The following PPP6R3 variants were observed in gnomAD, a reference collection of about 807,000 sequenced individuals.
The protein encoded by PPP6R3 is serine/threonine-protein phosphatase 6 regulatory subunit 3.
PPP6R3 carries 38 observed loss-of-function variants against 110.7 expected under a neutral mutation model. That is an observed-to-expected ratio of 0.34 (90% CI 0.26 to 0.45). The LOEUF (loss-of-function observed/expected upper bound fraction) is 0.45, where lower values mean the gene tolerates loss of function less well. PPP6R3 is among the 20% of genes least tolerant of loss of function. The pLI, the probability that PPP6R3 is intolerant of heterozygous loss-of-function variation, is 1.00. For missense variants in PPP6R3, 870 were observed against 1,062.4 expected, an observed-to-expected ratio of 0.82 and a Z score of 2.52; for synonymous variants, 369 against 373.5, an observed-to-expected ratio of 0.99 and a Z score of 0.14.
At chr11:68,527,897 G>A (rs890704173) in intron 2 of PPP6R3, among the ~76,000 whole-genome samples, 4 of 152,168 alleles carry the variant, frequency 2.6e-5, no homozygotes, top group Admixed American at 6.5e-5. Context: ...TCAGGGAGGC[G>A]TCGCCTGGCC....
At chr11:68,489,589 C>G (rs2098970999) in intron 1 of PPP6R3, among the ~76,000 whole-genome samples, 1 of 127,082 alleles carries the variant, frequency 7.9e-6, no homozygotes, top group South Asian at 2.3e-4. Context: ...TTTTAATGAA[C>G]AAATTGAAGG....
intron 1 of PPP6R3, among the ~76,000 whole-genome samples, chr11:68,493,825 A>G (rs7120635): frequency 0.32 from 48,202 of 151,258 alleles, 8,745 homozygotes; most frequent in African/African-American, 0.49. Flanking sequence ...GTACCCGGCC[A>G]GGCACTGTGG....
At position 68,567,178 on chromosome 11, in the gene PPP6R3, C is replaced by G. The variant is rs1382160429; in HGVS notation, c.1128+12C>G. The G allele has an allele frequency of 1.3e-6, 2 of 1,530,046 alleles. No homozygotes were observed. Among genetic ancestry groups the G allele is most frequent in the Admixed American group, 4.2e-5 (2 of 47,840 alleles). 94.8% of individuals were successfully genotyped at this position (1,530,046 alleles called of 1,614,324 possible). On this transcript the variant is annotated intron_variant, in intron 10 of 23. Coordinates refer to ENST00000393800, the MANE Select transcript of PPP6R3 (RefSeq NM_001164161.2). ...TTGGAGTCATATTGGTGAGATTTTC[C>G]CTGCTCACAGACATTTTAATTTGCC... is the stretch of plus-strand genomic sequence containing the variant.
chr11:68,590,912 G>A (rs1359322825), intron 17 of PPP6R3, among the ~76,000 whole-genome samples, 198 bp downstream of exon 17: 7 of 152,150 alleles, frequency 4.6e-5, no homozygotes, highest in Non-Finnish European at 1.0e-4. Context: ...TTATGACTTG[G>A]TGGAGCTAAT....
At chr11:68,497,395 C>G (rs958102086) in intron 1 of PPP6R3, among the ~76,000 whole-genome samples, 6 of 151,854 alleles carry the variant, frequency 4.0e-5, no homozygotes, top group Non-Finnish European at 8.8e-5. Flanking sequence ...ACTCTGTCAC[C>G]TGGCTGGAGT....
chr11:68,500,951 G>A (rs750473181), intron 1 of PPP6R3, among the ~76,000 whole-genome samples: 4 of 152,176 alleles, frequency 2.6e-5, no homozygotes, highest in Non-Finnish European at 4.4e-5. Context: ...AGGCACTTCC[G>A]CCGCCTTCCT....
At chr11:68,514,180 T>G (rs566056087) in intron 1 of PPP6R3, among the ~76,000 whole-genome samples, 164 of 152,246 alleles carry the variant, frequency 1.1e-3, no homozygotes, top group African/African-American at 3.9e-3. Context: ...CCCTCCTGCC[T>G]TAGCCTGTTG....
chr11:68,560,426 C>T (rs2099414659), intron 8 of PPP6R3, among the ~76,000 whole-genome samples: 1 of 152,186 alleles, frequency 6.6e-6, no homozygotes, highest in Non-Finnish European at 1.5e-5. Flanking sequence ...GAGACTACTA[C>T]AAACAATGCA....
chr11:68,595,482 C>G (rs2099611247), intron 18 of PPP6R3, among the ~76,000 whole-genome samples: 1 of 152,118 alleles, frequency 6.6e-6, no homozygotes, highest in Non-Finnish European at 1.5e-5. Flanking sequence ...TCCCAAAGTG[C>G]TGGGATTACA....
At chr11:68,477,741 A>AAAAAAAATAT in intron 1 of PPP6R3, among the ~76,000 whole-genome samples, 24 of 57,908 alleles carry the variant, frequency 4.1e-4, no homozygotes, top group South Asian at 1.2e-3. Context: ...AAAAAAAAAA[A>AAAAAAAATAT]ATATATATAT....
At chr11:68,576,441 ATTGAG>A (rs1337590853) in intron 14 of PPP6R3, among the ~76,000 whole-genome samples, 1 of 152,198 alleles carries the variant, frequency 6.6e-6, no homozygotes, top group Admixed American at 6.5e-5. Flanking sequence ...TTCTGATATT[ATTGAG>A]TTGAGTATAC....
At position 68,551,202 on chromosome 11, in the gene PPP6R3, T is replaced by C; in HGVS notation, c.618+16T>C. 2.5e-6 allele frequency: 4 copies of C among 1,590,244 alleles called. No homozygotes were observed. Among genetic ancestry groups the C allele is most frequent in the Non-Finnish European group, 3.4e-6 (4 of 1,163,116 alleles). ...AGAAGAAGATGTAAGTTCACTTGTG[T>C]GACTGTAAACTTGATTAGAAAAAAA... On this transcript the variant is annotated intron_variant, in intron 6 of 23. Coordinates refer to ENST00000393800, the MANE Select transcript of PPP6R3 (RefSeq NM_001164161.2).
At chr11:68,546,870 G>A (rs2099351254) in intron 4 of PPP6R3, among the ~76,000 whole-genome samples, 2 of 152,098 alleles carry the variant, frequency 1.3e-5, no homozygotes, top group African/African-American at 2.4e-5. Context: ...ACTGAATTAC[G>A]GAATACTTGG....
At chr11:68,601,990 G>GT in intron 21 of PPP6R3, 21 bp downstream of exon 21, 3 of 1,569,086 alleles carry the variant, frequency 1.9e-6, no homozygotes, top group Non-Finnish European at 2.6e-6. Context: ...AGAGGCCTGG[G>GT]TACACGCCAG....
At chr11:68,501,596 G>T (rs1565451907) in intron 1 of PPP6R3, among the ~76,000 whole-genome samples, 2 of 152,186 alleles carry the variant, frequency 1.3e-5, no homozygotes, top group African/African-American at 4.8e-5. Flanking sequence ...CAAAGTGCTG[G>T]GATTACAGGC....
intron 22 of PPP6R3, among the ~76,000 whole-genome samples, chr11:68,604,685 C>G (rs904005328): frequency 6.6e-6 from 1 of 152,204 alleles, no homozygotes; most frequent in African/African-American, 2.4e-5. Context: ...TACAAAATCA[C>G]TTGCATCCTA....
chr11:68,484,091 A>G (rs1365288545), intron 1 of PPP6R3, among the ~76,000 whole-genome samples: 1 of 152,162 alleles, frequency 6.6e-6, no homozygotes, highest in East Asian at 1.9e-4. Context: ...CATTGTCTGG[A>G]TGTGCCCAAA....
chr11:68,594,327 A>AG (rs2099606061), intron 18 of PPP6R3, among the ~76,000 whole-genome samples: 3 of 130,366 alleles, frequency 2.3e-5, no homozygotes, highest in African/African-American at 1.1e-4. Context: ...AGAAAAAGAG[A>AG]GAGAGAGTGA....
intron 1 of PPP6R3, among the ~76,000 whole-genome samples, chr11:68,475,759 C>T (rs1354718540): frequency 4.7e-5 from 7 of 149,994 alleles, no homozygotes; most frequent in Non-Finnish European, 7.4e-5. Context: ...GGCTGCCGGG[C>T]GGAGGGGCTC....
Sources: gnomAD v4.1 joint callset for allele counts (sites outside exome capture counted in the v4.1 genomes callset) on GRCh38, gnomAD v4.1.1 for gene constraint, MANE v1.5 for transcripts, NCBI Gene and HGNC (gene_info 2026-07-23, HGNC 2026-07-21) for gene names.